Variants in PTN observed in about 807,000 individuals in gnomAD.
PTN encodes the protein heparin affin regulatory protein.
In PTN, 18 loss-of-function variants were observed where a neutral mutation model predicts 24.1. That is an observed-to-expected ratio of 0.75 (90% confidence interval 0.52 to 1.11). PTN has a LOEUF of 1.11. Among genes scored for constraint, PTN ranks in the 50% least tolerant of loss-of-function variants. The pLI, the probability that PTN is intolerant of heterozygous loss-of-function variation, is 0.00. For missense variants in PTN, 163 were observed against 198.8 expected (o/e 0.82, Z 1.08); for synonymous variants, 78 against 68.6 (o/e 1.14, Z -0.67).
At chr7:137,283,495 G>A (rs1449605376) in intron 1 of PTN, among the ~76,000 whole-genome samples, 1 of 152,184 alleles carries the variant, frequency 6.6e-6, no homozygotes, top group East Asian at 1.9e-4. Context: ...TCAGAGTGTT[G>A]CTTTGGGAAA....
rs1809466023 is a variant in PTN at position 137,281,066 on chromosome 7, A to G, written c.-1-26092T>C. On this transcript the variant is annotated intron_variant, in intron 1 of 4. Coordinates refer to ENST00000348225, the MANE Select transcript of PTN (RefSeq NM_002825.7). ...TCAGAAATAATCATTCATTTAAGAT[A>G]ACATTGGTTTGGAGACTATTTCTTG... Among the ~76,000 whole-genome samples the G allele has an allele frequency of 2.6e-5, 4 of 152,092 alleles. No homozygotes were observed. In the South Asian group the frequency reaches 8.3e-4, roughly 31 times the overall value.
intron 1 of PTN, among the ~76,000 whole-genome samples, chr7:137,308,315 G>A (rs1809922200): frequency 6.6e-6 from 1 of 152,222 alleles, no homozygotes; most frequent in South Asian, 2.1e-4. Flanking sequence ...AAGGAAGAAA[G>A]GTTATAGGAA....
intron 1 of PTN, among the ~76,000 whole-genome samples, chr7:137,290,867 A>G (rs1041913214): frequency 1.3e-5 from 2 of 152,158 alleles, no homozygotes; most frequent in East Asian, 1.9e-4. Context: ...TAAAAACAAC[A>G]TATATTTTTA....
chr7:137,314,612 T>A (rs1411202410), intron 1 of PTN, among the ~76,000 whole-genome samples: 1 of 121,712 alleles, frequency 8.2e-6, no homozygotes, highest in African/African-American at 3.1e-5. Context: ...TTTTTTTTTT[T>A]TAGAGAGTCT....
At chr7:137,254,594 A>G (rs1185501250) in intron 2 of PTN, among the ~76,000 whole-genome samples, 1 of 151,970 alleles carries the variant, frequency 6.6e-6, no homozygotes, top group African/African-American at 2.4e-5. Context: ...ATTACCGGTC[A>G]ATGTTCTATA....
intron 1 of PTN, among the ~76,000 whole-genome samples, chr7:137,293,043 C>A (rs1320932742): frequency 6.6e-6 from 1 of 152,158 alleles, no homozygotes; most frequent in East Asian, 1.9e-4. Context: ...CATATTCATT[C>A]ATTTTTACAT....
At chr7:137,332,080 CATT>C (rs1286532751) in intron 1 of PTN, among the ~76,000 whole-genome samples, 1 of 152,278 alleles carries the variant, frequency 6.6e-6, no homozygotes, top group East Asian at 1.9e-4. Context: ...TTAATTGGCT[CATT>C]TGGTAGAATC....
chr7:137,269,624 ATTTTTTTT>A (rs869311084), intron 1 of PTN, among the ~76,000 whole-genome samples: 3 of 63,028 alleles, frequency 4.8e-5, no homozygotes, highest in African/African-American at 1.5e-4. Context: ...TGCTTCATCT[ATTTTTTTT>A]TTTTTTTTTT....
chr7:137,258,933 G>A (rs1057235981), intron 1 of PTN, among the ~76,000 whole-genome samples: 2 of 151,946 alleles, frequency 1.3e-5, no homozygotes, highest in East Asian at 1.9e-4. Flanking sequence ...AAAATAGTGC[G>A]AGAATAAAGC....
intron 1 of PTN, among the ~76,000 whole-genome samples, chr7:137,313,201 C>T (rs570170963): frequency 3.6e-4 from 55 of 152,186 alleles, no homozygotes; most frequent in African/African-American, 1.3e-3. Context: ...TATCGTGTCT[C>T]GGCTTGCTCA....
chr7:137,303,842 A>C (rs1809843957), intron 1 of PTN, among the ~76,000 whole-genome samples: 1 of 152,094 alleles, frequency 6.6e-6, no homozygotes, highest in African/African-American at 2.4e-5. Context: ...AATGCCCAAA[A>C]GGATACTAAT....
Position 137,227,750 on chromosome 7 carries a change from CA to C in PTN, c.*269del. 1 of 296,396 alleles carries C rather than the reference CA, an allele frequency of 3.4e-6. No individual in the cohort carries two copies. Among genetic ancestry groups the C allele is most frequent in the Non-Finnish European group, 6.1e-6 (1 of 162,800 alleles). The allele number at this position is 296,396 out of a possible 1,614,324, so 18.4% of individuals were successfully genotyped here. On this transcript the variant is annotated 3_prime_UTR_variant, in exon 5 of 5. Coordinates refer to ENST00000348225, the MANE Select transcript of PTN (RefSeq NM_002825.7). ...TTTAATGTAAAATGTCACATAATTT[CA>C]AAAAACTTACCTCAATTGTCTATCA...
intron 1 of PTN, among the ~76,000 whole-genome samples, chr7:137,256,094 A>G (rs560738224): frequency 7.2e-5 from 11 of 152,318 alleles, no homozygotes; most frequent in African/African-American, 2.6e-4. Context: ...TATTTTCCTC[A>G]TTGAAAAATA....
At chr7:137,276,166 C>G (rs1809356130) in intron 1 of PTN, among the ~76,000 whole-genome samples, 1 of 152,142 alleles carries the variant, frequency 6.6e-6, no homozygotes, top group African/African-American at 2.4e-5. Context: ...GGTCAAACAC[C>G]TAATGAAAGT....
chr7:137,292,564 T>G (rs570062532), intron 1 of PTN, among the ~76,000 whole-genome samples: 2 of 152,300 alleles, frequency 1.3e-5, no homozygotes, highest in African/African-American at 4.8e-5. Context: ...CATGTGGAAC[T>G]GTGAGTCCAT....
At chr7:137,300,720 A>C (rs1278905883) in intron 1 of PTN, among the ~76,000 whole-genome samples, 1 of 151,932 alleles carries the variant, frequency 6.6e-6, no homozygotes, top group East Asian at 1.9e-4. Context: ...TCCCCCAGTA[A>C]CAACACAAAG....
chr7:137,324,433 A>AAAAAAAAAAAAAATAT, intron 1 of PTN, among the ~76,000 whole-genome samples: 3 of 88,760 alleles, frequency 3.4e-5, no homozygotes, highest in African/African-American at 1.4e-4. Context: ...AAAAAAAAAA[A>AAAAAAAAAAAAAATAT]ATATATATAT....
intron 1 of PTN, among the ~76,000 whole-genome samples, chr7:137,269,622 C>CTTTTTTTTTT (rs1194863462): frequency 6.6e-5 from 7 of 106,062 alleles, no homozygotes; most frequent in African/African-American, 2.7e-4. Flanking sequence ...GCTGCTTCAT[C>CTTTTTTTTTT]TATTTTTTTT....
At chr7:137,233,078 T>C (rs1356711286) in intron 4 of PTN, among the ~76,000 whole-genome samples, 1 of 151,956 alleles carries the variant, frequency 6.6e-6, no homozygotes. Context: ...TGAGTAGAAA[T>C]TAATATGAGC....
Sources: gnomAD v4.1 joint callset for allele counts (sites outside exome capture counted in the v4.1 genomes callset) on GRCh38, gnomAD v4.1.1 for gene constraint, MANE v1.5 for transcripts, NCBI Gene and HGNC (gene_info 2026-07-23, HGNC 2026-07-21) for gene names.